Variants in NUP85 observed in about 807,000 individuals in gnomAD.
NUP85 encodes the protein nucleoporin 85.
Under a neutral mutation model 92.8 loss-of-function variants are expected in NUP85, and 23 were observed. That is an observed-to-expected ratio of 0.25 (90% CI 0.18 to 0.35). The LOEUF is 0.35. Ranked by LOEUF, NUP85 falls within the 10% of genes least tolerant of loss-of-function variation. The probability of loss-of-function intolerance (pLI) is 1.00; values close to 1 mark genes in which losing one functional copy is unlikely to be tolerated. For missense variants in NUP85, 759 were observed against 822.8 expected (o/e 0.92, Z 0.95); for synonymous variants, 314 against 306.9 (o/e 1.02, Z -0.24).
intron 16 of NUP85, among the ~76,000 whole-genome samples, chr17:75,234,098 C>T (rs2076225006): frequency 6.8e-6 from 1 of 146,092 alleles, no homozygotes; most frequent in Admixed American, 7.0e-5. Flanking sequence ...GTCGCCCACG[C>T]TGGAGTGCAG....
intron 4 of NUP85, 38 bp downstream of exon 4, chr17:75,212,100 G>GTA: frequency 1.4e-6 from 2 of 1,425,098 alleles, no homozygotes; most frequent in Non-Finnish European, 1.9e-6. Flanking sequence ...GTGTGTGTGT[G>GTA]TGTGTGTGTG....
At chr17:75,230,936 AT>A in intron 11 of NUP85, among the ~76,000 whole-genome samples, 2 of 143,660 alleles carry the variant, frequency 1.4e-5, no homozygotes, top group African/African-American at 5.2e-5. Flanking sequence ...TTTCTGAGCG[AT>A]TTTTTTTTTT....
In NUP85 at chr17:75,231,819, C is replaced by A; in HGVS notation, c.1245-9C>A. 2 of 1,613,950 alleles carry A rather than the reference C, an allele frequency of 1.2e-6. No homozygotes were observed. Among genetic ancestry groups the A allele is most frequent in the Admixed American group, 1.7e-5 (1 of 59,998 alleles). ...GCACCTCATGTCTGTCCTCCTCGAACCTTTGCAGCCTGTGGCAGCTGGGGG... is the reference window on the plus strand; with the variant it reads ...GCACCTCATGTCTGTCCTCCTCGAAACTTTGCAGCCTGTGGCAGCTGGGGG... On this transcript the variant is annotated splice_polypyrimidine_tract_variant and intron_variant, in intron 13 of 18. Transcript: ENST00000245544. This position sits in a 1 kb window ranked among gnomAD's most constrained non-coding sequence, Gnocchi z 4.6.
chr17:75,232,858 C>T lies in NUP85; in HGVS notation c.1404C>T (p.Ser468=). 6.2e-7 allele frequency: 1 copy of T among 1,614,084 alleles called. No homozygotes were observed. ...EQRQMTEQVR[S]ICKILAMKAV... is the part of the protein sequence containing the mutation. ...TTCTTTTCCCCTGCAAAGTTCGCAG[C>T]ATTTGTAAGATCTTAGCCATGAAAG... is the stretch of plus-strand genomic sequence containing the variant. Residue 468 remains serine, a synonymous_variant, in exon 15 of 19, where the codon AGC becomes AGT. Transcript: ENST00000245544.
Position 75,234,058 on chromosome 17 carries a change from T to C in NUP85, c.1616-579T>C, listed in dbSNP as rs79739912. Among the ~76,000 whole-genome samples, 384 of 148,820 alleles carry C rather than the reference T, an allele frequency of 2.6e-3. 12 individuals carry two copies. The East Asian group carries it at 0.068, about 26-fold the overall frequency. On this transcript the variant is annotated intron_variant, in intron 16 of 18. Transcript: ENST00000245544. The stretch of plus-strand genomic sequence containing the variant: ...CAGTGCCTCCATGTTTCTTCTTTTT[T>C]TTTTTTTTTTTGAGACGGAGTCTCA...
At chr17:75,207,767 C>T (rs936411085) in intron 1 of NUP85, among the ~76,000 whole-genome samples, 2 of 151,928 alleles carry the variant, frequency 1.3e-5, no homozygotes, top group Admixed American at 6.6e-5. Flanking sequence ...CATGAGCCAC[C>T]GCGCTTGGCT....
At chr17:75,228,976 C>CT in intron 11 of NUP85, 1 of 985,428 alleles carries the variant, frequency 1.0e-6, no homozygotes, top group Non-Finnish European at 1.2e-6. Flanking sequence ...CACAGGGTCC[C>CT]TTCTTCCCTC....
chr17:75,210,800 C>G (rs2075233394), intron 3 of NUP85, among the ~76,000 whole-genome samples: 3 of 150,166 alleles, frequency 2.0e-5, no homozygotes, highest in East Asian at 2.0e-4. Context: ...CTCCTGGATT[C>G]ACGCCATTCT....
intron 5 of NUP85, among the ~76,000 whole-genome samples, chr17:75,214,312 C>G (rs1184216167): frequency 4.6e-5 from 7 of 152,136 alleles, no homozygotes; most frequent in Non-Finnish European, 1.0e-4. Flanking sequence ...AACAAGTCAT[C>G]ATGGTGTCTG....
At chr17:75,211,351 G>A (rs1170556958) in intron 3 of NUP85, among the ~76,000 whole-genome samples, 1 of 151,624 alleles carries the variant, frequency 6.6e-6, no homozygotes, top group African/African-American at 2.4e-5. Context: ...GTGAGTTTGA[G>A]AAATCTATTG....
chr17:75,218,587 C>CTTTTTT (rs2075499857), intron 7 of NUP85, among the ~76,000 whole-genome samples: 1 of 24,328 alleles, frequency 4.1e-5, no homozygotes, highest in African/African-American at 1.2e-4. Flanking sequence ...AATACAAAAC[C>CTTTTTT]GTTTTTTTTT....
Position 75,209,867 on chromosome 17 carries a change from C to T in NUP85, c.172C>T (p.Arg58Cys), listed in dbSNP as rs760257294. The T allele has an allele frequency of 1.8e-5, 29 of 1,578,486 alleles. 1 individual carries two copies. Among genetic ancestry groups the T allele is most frequent in the Middle Eastern group, 1.7e-4 (1 of 6,000 alleles). ...VPSCPFIYII[R>C]KDVDVYSQIL... The stretch of plus-strand genomic sequence containing the variant: ...AAGTTGCCCCTTTATCTATATCATC[C>T]GTAAGGATGTAGATGTTTACTCTCA... The change falls in exon 3 of 19, where the codon CGT (arginine) becomes TGT (cysteine). Residue 58 changes from arginine (R) to cysteine (C), a missense_variant. Physicochemically the swap from Arg to Cys is radical, Grantham distance 180. Transcript: ENST00000245544.
At chr17:75,210,076 T>A in intron 3 of NUP85, 91 bp downstream of exon 3, 1 of 1,323,138 alleles carries the variant, frequency 7.6e-7, no homozygotes, top group Non-Finnish European at 1.0e-6. Flanking sequence ...GTTTTATGGG[T>A]TGCGTAAAGA....
At chr17:75,212,121 G>A (rs2075282981) in intron 4 of NUP85, 59 bp downstream of exon 4, 2 of 1,193,608 alleles carry the variant, frequency 1.7e-6, no homozygotes, top group Non-Finnish European at 1.2e-6. Flanking sequence ...GGTATTTTGA[G>A]TATTTATCTA....
At position 75,235,165 on chromosome 17, in the gene NUP85, A is replaced by G. The variant is rs1384083837; in HGVS notation, c.1833A>G (p.Arg611=). The G allele has an allele frequency of 1.2e-6, 2 of 1,613,910 alleles. No homozygotes were observed. Among genetic ancestry groups the G allele is most frequent in the Non-Finnish European group, 1.7e-6 (2 of 1,179,990 alleles). Residue 611 remains arginine (R), a synonymous_variant, in exon 18 of 19, where the codon AGA becomes AGG. Transcript: ENST00000245544. ...MRCLEDLTSR[R]PVHGESDTEQ... is the part of the protein sequence containing the mutation. ...GTCTGGAGGACTTGACGTCAAGAAG[A>G]CCTGTGCATGGAGAATCTGATACCG...
chr17:75,206,007 G>A (rs565355017), intron 1 of NUP85, among the ~76,000 whole-genome samples: 1 of 152,114 alleles, frequency 6.6e-6, no homozygotes, highest in South Asian at 2.1e-4. Context: ...CACAAACCCC[G>A]GCCTCGAAGG....
chr17:75,207,287 A>ACC (rs1484539948), intron 1 of NUP85, among the ~76,000 whole-genome samples: 4 of 148,738 alleles, frequency 2.7e-5, no homozygotes, highest in Admixed American at 6.7e-5. Context: ...AGGTTCAAGC[A>ACC]ATTCTCCTGC....
intron 14 of NUP85, 199 bp downstream of exon 14, chr17:75,232,178 C>T: frequency 1.3e-5 from 8 of 606,834 alleles, no homozygotes; most frequent in South Asian, 4.1e-5. Flanking sequence ...CCACTGGAAC[C>T]CAGACAAAAT....
chr17:75,235,587 A>T lies in NUP85; in HGVS notation c.1879A>T (p.Ile627Leu), dbSNP rs375168108. Residue 627 changes from isoleucine (I) to leucine (L), a missense_variant, in exon 19 of 19, where the codon ATA becomes TTA. Transcript: ENST00000245544. ...GCTCTCTGCTTTGCAGGATGATGAC[A>T]TAGAGACCACCAAGGTGGAAATGCT... ...SDTEQLQDDD[I>L]ETTKVEMLRL... 6.2e-7 allele frequency: 1 copy of T among 1,613,834 alleles called. No individual in the cohort carries two copies. The highest frequency in any genetic ancestry group is 1.3e-5 in the African/African-American group (1 of 75,054).
Sources: allele counts gnomAD v4.1 joint callset (sites outside exome capture counted in the v4.1 genomes callset), GRCh38; gene constraint gnomAD v4.1.1; non-coding constraint Gnocchi (gnomAD v3.1); transcripts MANE v1.5; gene names NCBI Gene and HGNC (gene_info 2026-07-23, HGNC 2026-07-21).